The following CDHR5 variants were observed in gnomAD, a reference collection of about 807,000 sequenced individuals.
The protein encoded by CDHR5 is cadherin-related family member 5.
In CDHR5, 82 loss-of-function variants were observed where a neutral mutation model predicts 69.5. The ratio of observed to expected loss-of-function variants is 1.18; its 90% CI spans 0.99 to 1.42. CDHR5 has a LOEUF of 1.42. Among genes scored for constraint, CDHR5 ranks in the 40% most tolerant of loss-of-function variants. CDHR5 has a pLI of 0.00. For missense variants in CDHR5, 1,293 were observed against 1,168.9 expected (o/e 1.11, Z -1.55); for synonymous variants, 601 against 510.2 (o/e 1.18, Z -2.40).
intron 9 of CDHR5, 53 bp from the exon 10 acceptor site, chr11:619,934 C>A (rs2133195462): frequency 6.8e-7 from 1 of 1,468,998 alleles, no homozygotes; most frequent in East Asian, 2.5e-5. Flanking sequence ...GGAGCTGGCG[C>A]TGAAGGCTGG....
In CDHR5 at chr11:621,107, G is replaced by A. The variant is rs1163413383; in HGVS notation, c.762C>T (p.His254=). 8.3e-6 allele frequency: 13 copies of A among 1,565,756 alleles called. No homozygotes were observed. The highest frequency in any genetic ancestry group is 3.7e-5 in the Admixed American group (2 of 54,486). The change falls in exon 7 of 15, where the codon CAC becomes CAT. Residue 254 remains histidine (H), a synonymous_variant. Transcript: ENST00000397542. This position sits in a 1 kb window ranked among gnomAD's most constrained non-coding sequence, Gnocchi z 4.4. Reference sequence around the variant, plus strand: ...GTATGTGCCCCGTGGGGACAGCCCCGTGGTACTGAGCTTGAATGCAGACGT... The same window carrying A: ...GTATGTGCCCCGTGGGGACAGCCCCATGGTACTGAGCTTGAATGCAGACGT... ...DGYVCIQAQY[H]GAVPTGHILP...
At position 616,709 on chromosome 11, in the gene CDHR5, GTC is replaced by G. The variant is rs1400973323; in HGVS notation, c.*640_*641del. 1 of 154,536 alleles carries G rather than the reference GTC, an allele frequency of 6.5e-6. No homozygotes were observed. The highest frequency in any genetic ancestry group is 2.4e-5 in the African/African-American group (1 of 41,520). 9.6% of individuals were successfully genotyped at this position (154,536 alleles called of 1,614,324 possible). ...GCTTTGGGAGCAGCGAGGGGAATGT[GTC>G]TCTCACCCCTAGGCCTCCTGGTCTG... On this transcript the variant is annotated 3_prime_UTR_variant, in exon 15 of 15. Coordinates refer to ENST00000397542, the MANE Select transcript of CDHR5 (RefSeq NM_021924.5).
In CDHR5 at chr11:617,687, G is replaced by T; in HGVS notation, c.2202C>A (p.His734Gln). The change falls in exon 15 of 15, where the codon CAC (histidine) becomes CAA (glutamine). Residue 734 changes from histidine to glutamine, a missense_variant. Physicochemically the swap from His to Gln is conservative, Grantham distance 24. Transcript: ENST00000397542. The part of the protein sequence containing the change: ...ANWAPVPSPT[H>Q]DPKPAEAPMP... ...TCGGTGCCTCCGCGGGCTTGGGGTC[G>T]TGCGTGGGGCTGGGGACGGGCGCCC... 2 of 1,474,168 alleles carry T rather than the reference G, an allele frequency of 1.4e-6. No homozygotes were observed. The highest frequency in any genetic ancestry group is 1.8e-6 in the Non-Finnish European group (2 of 1,119,498). The allele number at this position is 1,474,168 out of a possible 1,614,324, so 91.3% of individuals were successfully genotyped here.
In CDHR5 at chr11:616,616, G is replaced by A. The variant is rs1353891219; in HGVS notation, c.*735C>T. Reference sequence around the variant, plus strand: ...GGAATTAATGGTGTATTTCCATTAGGGAAAGTGCTGACAAGCCGCAAGGGA... The same window carrying A: ...GGAATTAATGGTGTATTTCCATTAGAGAAAGTGCTGACAAGCCGCAAGGGA... On this transcript the variant is annotated 3_prime_UTR_variant, in exon 15 of 15. Coordinates refer to ENST00000397542, the MANE Select transcript of CDHR5 (RefSeq NM_021924.5). 1 of 152,514 alleles carries A rather than the reference G, an allele frequency of 6.6e-6. No individual in the cohort carries two copies. 9.4% of individuals were successfully genotyped at this position (152,514 alleles called of 1,614,324 possible).
chr11:619,710 T>C lies in CDHR5; in HGVS notation c.1150A>G (p.Arg384Gly). ...AACTCCGGGTCCTGAGCCTGGATCC[T>C]CAGAGGCTGAGAAGGGGCAGCTGCA... is the stretch of plus-strand genomic sequence containing the variant. The part of the protein sequence containing the change: ...KDAAAPSQPL[R>G]IQAQDPEFSD... Residue 384 changes from arginine (R) to glycine (G), a missense_variant, in exon 10 of 15, where the codon AGG becomes GGG. Arg to Gly is a moderately radical substitution (Grantham distance 125). Transcript: ENST00000397542. 1 of 1,613,092 alleles carries C rather than the reference T, an allele frequency of 6.2e-7. No individual in the cohort carries two copies. The highest frequency in any genetic ancestry group is 8.5e-7 in the Non-Finnish European group (1 of 1,179,948).
In CDHR5 at chr11:617,337, G is replaced by A. The variant is rs369394657; in HGVS notation, c.*14C>T. ...CAGTGCCCGTGCGGCTGGGGGAGAG[G>A]GTGGAGGGGCCACTTAGATGTAGGA... On this transcript the variant is annotated 3_prime_UTR_variant, in exon 15 of 15. Coordinates refer to ENST00000397542, the MANE Select transcript of CDHR5 (RefSeq NM_021924.5). 96 of 1,573,938 alleles carry A rather than the reference G, an allele frequency of 6.1e-5. 1 individual carries two copies. The highest frequency in any genetic ancestry group is 8.5e-5 in the Admixed American group (5 of 58,680).
At position 618,941 on chromosome 11, in the gene CDHR5, C is replaced by T; in HGVS notation, c.1618G>A (p.Ala540Thr). The change falls in exon 13 of 15, where the codon GCA becomes ACA. Residue 540 changes from alanine to threonine, a missense_variant. Coordinates refer to ENST00000397542, the MANE Select transcript of CDHR5 (RefSeq NM_021924.5). ...GAGGTTCCTGGCTTTGGGGTCTGTGCTGTGTCCCCACCGGGAGTGGCTGGT... is the reference window on the plus strand; with the variant it reads ...GAGGTTCCTGGCTTTGGGGTCTGTGTTGTGTCCCCACCGGGAGTGGCTGGT... ...HQPATPGGDT[A>T]QTPKPGTSQP... 6.2e-7 allele frequency: 1 copy of T among 1,611,580 alleles called. No homozygotes were observed.
Position 619,702 on chromosome 11 carries a change from C to G in CDHR5, c.1158G>C (p.Gln386His). Reference sequence around the variant, plus strand: ...CTACCGAGAACTCCGGGTCCTGAGCCTGGATCCTCAGAGGCTGAGAAGGGG... The same window carrying G: ...CTACCGAGAACTCCGGGTCCTGAGCGTGGATCCTCAGAGGCTGAGAAGGGG... ...AAAPSQPLRI[Q>H]AQDPEFSDLN... is the part of the protein sequence containing the mutation. Residue 386 changes from glutamine to histidine, a missense_variant, in exon 10 of 15, where the codon CAG (glutamine) becomes CAC (histidine). Transcript: ENST00000397542. 2 of 1,613,350 alleles carry G rather than the reference C, an allele frequency of 1.2e-6. No individual in the cohort carries two copies. The highest frequency in any genetic ancestry group is 1.7e-6 in the Non-Finnish European group (2 of 1,179,992).
chr11:619,253 C>CTTCG, intron 12 of CDHR5, 53 bp downstream of exon 12: 1 of 1,496,862 alleles, frequency 6.7e-7, no homozygotes, highest in Non-Finnish European at 9.2e-7. Context: ...AAGGAGCCAC[C>CTTCG]GAAGGGGCTT....
intron 7 of CDHR5, 104 bp downstream of exon 7, chr11:620,976 C>T: frequency 5.8e-6 from 4 of 693,978 alleles, no homozygotes; most frequent in Admixed American, 3.4e-5. Flanking sequence ...ATCGGCCCCA[C>T]CCCCTGACCC....
At chr11:623,472 C>A (rs547585982) in intron 3 of CDHR5, among the ~76,000 whole-genome samples, 5 of 152,114 alleles carry the variant, frequency 3.3e-5, no homozygotes, top group African/African-American at 1.2e-4. Context: ...AAAATGCCGC[C>A]GGTCAAGAAG....
Position 619,684 on chromosome 11 carries a change from G to T in CDHR5, c.1176C>A (p.Phe392Leu), listed in dbSNP as rs1227134745. The T allele has an allele frequency of 6.2e-7, 1 of 1,613,306 alleles. No homozygotes were observed. The highest frequency in any genetic ancestry group is 1.1e-5 in the South Asian group (1 of 91,074). The change falls in exon 10 of 15, where the codon TTC becomes TTA. Residue 392 changes from phenylalanine (F) to leucine (L), a missense_variant. By Grantham distance (22) the Phe-to-Leu change is conservative. Coordinates refer to ENST00000397542, the MANE Select transcript of CDHR5 (RefSeq NM_021924.5). ...PLRIQAQDPEFSDLNSAITYR... is the reference protein window; with the variant it reads ...PLRIQAQDPELSDLNSAITYR... ...AGGCCTTGGATGCACTCTCTACCGA[G>T]AACTCCGGGTCCTGAGCCTGGATCC...
intron 13 of CDHR5, 117 bp downstream of exon 13, chr11:618,482 T>C: frequency 8.1e-7 from 1 of 1,239,442 alleles, no homozygotes; most frequent in Non-Finnish European, 1.1e-6. Flanking sequence ...CCAAACAGAC[T>C]CCTCTTTGGG....
In CDHR5 at chr11:624,591, T is replaced by A. The variant is rs1301725705; in HGVS notation, c.227A>T (p.Asn76Ile). The A allele has an allele frequency of 1.2e-6, 2 of 1,609,474 alleles. No homozygotes were observed. Residue 76 changes from asparagine (N) to isoleucine (I), a missense_variant, in exon 2 of 15, where the codon AAC becomes ATC. By Grantham distance (149) the Asn-to-Ile change is moderately radical (BLOSUM62 -3). Transcript: ENST00000397542. The surrounding 1 kb of genome is among the most constrained non-coding windows in gnomAD (Gnocchi z 5.3). ...AGGAGTCACGTTGAGAAACAGCTGG[T>A]TTCCCTGGATCCGAAATGCAAAGGG... ...STPFAFRIQGNQLFLNVTPDY... is the reference protein window; with the variant it reads ...STPFAFRIQGIQLFLNVTPDY...
rs1256482668 is a variant in CDHR5 at position 617,288 on chromosome 11, C to T, written c.*63G>A. 2.0e-5 allele frequency: 26 copies of T among 1,311,716 alleles called. No homozygotes were observed. The highest frequency in any genetic ancestry group is 5.3e-5 in the South Asian group (4 of 74,918). The allele number at this position is 1,311,716 out of a possible 1,614,324, so 81.3% of individuals were successfully genotyped here. ...AGCCTTGCTTTATTCTGCCTCGGGT[C>T]GGAGGCTGGGGGAGCGAGACCTCCA... On this transcript the variant is annotated 3_prime_UTR_variant, in exon 15 of 15. Transcript: ENST00000397542.
chr11:618,132 G>A (rs371639745), intron 13 of CDHR5, 21 bp from the exon 14 acceptor site: 8 of 1,595,598 alleles, frequency 5.0e-6, no homozygotes, highest in African/African-American at 1.3e-5. Context: ...AGTGGAAAAC[G>A]TCATCATCCC....
At position 617,485 on chromosome 11, in the gene CDHR5, C is replaced by A; in HGVS notation, c.2404G>T (p.Asp802Tyr). 1 of 1,612,748 alleles carries A rather than the reference C, an allele frequency of 6.2e-7. No individual in the cohort carries two copies. Among genetic ancestry groups the A allele is most frequent in the Non-Finnish European group, 8.5e-7 (1 of 1,179,868 alleles). ...GTGGGCGCGTTGAGAACGACCACGT[C>A]TGCCTCCGTCCCGATGTCCTCGCCA... Reference protein sequence around the residue: ...WFGEDIGTEADVVVLNAPTLD... With the variant: ...WFGEDIGTEAYVVVLNAPTLD... Residue 802 changes from aspartate (D) to tyrosine (Y), a missense_variant, in exon 15 of 15, where the codon GAC becomes TAC. Transcript: ENST00000397542.
intron 3 of CDHR5, among the ~76,000 whole-genome samples, chr11:623,992 T>C (rs1246537862): frequency 6.6e-6 from 1 of 151,926 alleles, no homozygotes; most frequent in African/African-American, 2.4e-5. Context: ...GTGGGAGTCT[T>C]GGGCACACTG....
In CDHR5 at chr11:624,017, T is replaced by C. The variant is rs1389774000; in HGVS notation, c.312+196A>G. Among the ~76,000 whole-genome samples, 2 of 152,024 alleles carry C rather than the reference T, an allele frequency of 1.3e-5. No individual in the cohort carries two copies. The highest frequency in any genetic ancestry group is 2.4e-5 in the African/African-American group (1 of 41,384). On this transcript the variant is annotated intron_variant, in intron 3 of 14. Transcript: ENST00000397542. This position sits in a 1 kb window ranked among gnomAD's most constrained non-coding sequence, Gnocchi z 5.3. ...TGGGCACACTGGATGGGGTGTCTGC[T>C]GGACAAGGGGTCAGTGACGGGGACT...
Sources: gnomAD v4.1 joint callset for allele counts (sites outside exome capture counted in the v4.1 genomes callset) on GRCh38, gnomAD v4.1.1 for gene constraint, Gnocchi (gnomAD v3.1) non-coding constraint, MANE v1.5 for transcripts, NCBI Gene and HGNC (gene_info 2026-07-23, HGNC 2026-07-21) for gene names.